MCCC1: variants seen among roughly 807,000 people sequenced by gnomAD.
MCCC1 encodes methylcrotonoyl-CoA carboxylase subunit alpha, mitochondrial.
MCCC1 carries 64 observed loss-of-function variants against 83.8 expected under a neutral mutation model. The ratio of observed to expected loss-of-function variants is 0.76; its 90% CI spans 0.62 to 0.94. The LOEUF is 0.94. Among genes scored for constraint, MCCC1 ranks in the 40% least tolerant of loss-of-function variants. The pLI, the probability that MCCC1 is intolerant of heterozygous loss-of-function variation, is 0.00. For missense variants in MCCC1, 807 were observed against 904.7 expected (o/e 0.89, Z 1.39); for synonymous variants, 322 against 315.4 (o/e 1.02, Z -0.22).
intron 8 of MCCC1, 39 bp downstream of exon 8, chr3:183,057,272 T>C: frequency 7.0e-7 from 1 of 1,423,318 alleles, no homozygotes. Context: ...AAGATTCACA[T>C]TACGGAGAAG....
Position 183,015,390 on chromosome 3 carries a change from T to C in MCCC1, c.*48A>G, listed in dbSNP as rs759327444. The C allele has an allele frequency of 3.7e-6, 6 of 1,610,846 alleles. No individual in the cohort carries two copies. The Admixed American group carries it at 5.0e-5, about 13-fold the overall frequency. On this transcript the variant is annotated 3_prime_UTR_variant, in exon 19 of 19. Transcript: ENST00000265594. ...AAAAGCTGGAGGCACTTCCTCTTTT[T>C]GGTGGAGAGAGAAGACACTACTTAA...
chr3:183,105,865 G>A (rs764780563), intron 1 of MCCC1, among the ~76,000 whole-genome samples: 14 of 152,196 alleles, frequency 9.2e-5, no homozygotes, highest in Non-Finnish European at 2.1e-4. Context: ...TGAGGCAGGT[G>A]GATCACGAGG....
intron 2 of MCCC1, among the ~76,000 whole-genome samples, chr3:183,094,160 T>C (rs1424554658): frequency 6.6e-6 from 1 of 151,610 alleles, no homozygotes; most frequent in African/African-American, 2.4e-5. Flanking sequence ...GCAATTCTCC[T>C]GCCTCAGCCT....
chr3:183,109,534 G>A (rs951777278), intron 1 of MCCC1, among the ~76,000 whole-genome samples: 5 of 152,158 alleles, frequency 3.3e-5, no homozygotes, highest in Non-Finnish European at 7.3e-5. Flanking sequence ...ATGTTAATTC[G>A]CTTAGGATAG....
chr3:183,031,156 T>C (rs553151707), intron 14 of MCCC1, among the ~76,000 whole-genome samples: 8 of 152,104 alleles, frequency 5.3e-5, no homozygotes, highest in African/African-American at 1.5e-4. Context: ...GGTGTGACTT[T>C]TGGAAAATTA....
Position 183,025,648 on chromosome 3 carries a change from T to C in MCCC1, c.1731+107A>G, listed in dbSNP as rs935855135. On this transcript the variant is annotated intron_variant, in intron 15 of 18. Transcript: ENST00000265594. The stretch of plus-strand genomic sequence containing the variant: ...GCATAAGATATTCTCTTAACTACAG[T>C]CATAATAGTCAAAGGCTTAAGGGAA... 4.3e-5 allele frequency: 44 copies of C among 1,014,654 alleles called. No individual in the cohort carries two copies. In the African/African-American group the frequency reaches 5.2e-4, roughly 12 times the overall value. 62.9% of individuals were successfully genotyped at this position (1,014,654 alleles called of 1,614,324 possible).
intron 18 of MCCC1, 120 bp from the exon 19 acceptor site, chr3:183,015,686 C>T (rs1230699389): frequency 1.7e-6 from 2 of 1,188,278 alleles, no homozygotes; most frequent in African/African-American, 3.0e-5. Flanking sequence ...GTTTTGTCAT[C>T]TCTCGGTGCT....
At chr3:183,072,549 G>A in intron 4 of MCCC1, 62 bp from the exon 5 acceptor site, 5 of 1,593,090 alleles carry the variant, frequency 3.1e-6, no homozygotes, top group Non-Finnish European at 4.3e-6. Context: ...ACACCTTAAT[G>A]CAGGTGAAGC....
At chr3:183,026,634 T>G (rs1250178794) in intron 14 of MCCC1, among the ~76,000 whole-genome samples, 1 of 152,052 alleles carries the variant, frequency 6.6e-6, no homozygotes, top group Non-Finnish European at 1.5e-5. Flanking sequence ...AGCTTGAACC[T>G]GCGAGGTGGA....
chr3:183,047,622 G>A (rs575472579), intron 9 of MCCC1, among the ~76,000 whole-genome samples: 2 of 151,532 alleles, frequency 1.3e-5, no homozygotes, highest in Admixed American at 1.3e-4. Context: ...AAGCAGAGAG[G>A]TGAAAATTCT....
intron 3 of MCCC1, 96 bp downstream of exon 3, chr3:183,092,313 A>G: frequency 6.7e-7 from 1 of 1,502,406 alleles, no homozygotes; most frequent in Non-Finnish European, 9.2e-7. Context: ...CAACCCTGAT[A>G]ACACTAGCAA....
chr3:183,089,118 C>T (rs571240722), intron 3 of MCCC1, among the ~76,000 whole-genome samples: 35 of 152,350 alleles, frequency 2.3e-4, no homozygotes, highest in African/African-American at 8.4e-4. Flanking sequence ...TTTCCATCAA[C>T]ATACCAGTTT....
Position 183,015,468 on chromosome 3 carries a change from C to T in MCCC1, c.2148G>A (p.Glu716=). The T allele has an allele frequency of 6.2e-7, 1 of 1,614,162 alleles. No homozygotes were observed. ...CCGATTCCCTTTTGTCTGATTCTTC[C>T]TCCTCAAACTCGACTAAAGGAGTGT... is the stretch of plus-strand genomic sequence containing the variant. ...NRHTPLVEFE[E]EESDKRESE The change falls in exon 19 of 19, where the codon GAG becomes GAA. Residue 716 remains glutamate (E), a synonymous_variant. Coordinates refer to ENST00000265594, the MANE Select transcript of MCCC1 (RefSeq NM_020166.5).
intron 11 of MCCC1, among the ~76,000 whole-genome samples, chr3:183,039,834 C>T (rs533681285): frequency 6.6e-5 from 10 of 152,152 alleles, no homozygotes; most frequent in African/African-American, 2.2e-4. Context: ...AGGTGGCTCA[C>T]GCCTGTACTC....
At position 183,034,054 on chromosome 3, in the gene MCCC1, T is replaced by C; in HGVS notation, c.1618A>G (p.Ser540Gly). The change falls in exon 14 of 19, where the codon AGC becomes GGC. Residue 540 changes from serine to glycine, a missense_variant. Coordinates refer to ENST00000265594, the MANE Select transcript of MCCC1 (RefSeq NM_020166.5). ...AHDQFSPFSS[S>G]SGRRLNISYT... is the part of the protein sequence containing the mutation. ...GAGATATTCAGTCTTCTTCCACTGC[T>C]AGACGAAAATGGAGAGAATTGATCT... is the stretch of plus-strand genomic sequence containing the variant. 1.9e-6 allele frequency: 3 copies of C among 1,611,274 alleles called. No individual in the cohort carries two copies. Among genetic ancestry groups the C allele is most frequent in the Non-Finnish European group, 2.5e-6 (3 of 1,178,514 alleles).
rs1256828103 is a variant in MCCC1, at chr3:183,025,935, T to G, written c.1682-131A>C. The G allele has an allele frequency of 6.7e-6, 5 of 742,432 alleles. No individual in the cohort carries two copies. The East Asian group carries it at 1.3e-4, about 20-fold the overall frequency. The allele number at this position is 742,432 out of a possible 1,614,324, so 46.0% of individuals were successfully genotyped here. Reference sequence around the variant, plus strand: ...CAAAGGAAAATCAACAACTTTGAACTTCTTGGAAATAAAGTATTTTGTTAG... The same window carrying G: ...CAAAGGAAAATCAACAACTTTGAACGTCTTGGAAATAAAGTATTTTGTTAG... On this transcript the variant is annotated intron_variant, in intron 14 of 18. Coordinates refer to ENST00000265594, the MANE Select transcript of MCCC1 (RefSeq NM_020166.5).
chr3:183,073,922 A>G (rs6806390), intron 4 of MCCC1, among the ~76,000 whole-genome samples: 136,383 of 152,220 alleles, frequency 0.9, 61,482 homozygotes, highest in East Asian at 1. Flanking sequence ...CATGACAGTC[A>G]ATTTGATAAC....
chr3:183,024,106 C>T (rs979290665), intron 15 of MCCC1, among the ~76,000 whole-genome samples: 6 of 152,174 alleles, frequency 3.9e-5, no homozygotes, highest in East Asian at 1.9e-4. Context: ...CACAATTACC[C>T]GGGCATGGTG....
chr3:183,025,447 A>C (rs1712514500), intron 15 of MCCC1, among the ~76,000 whole-genome samples: 2 of 152,200 alleles, frequency 1.3e-5, no homozygotes, highest in African/African-American at 4.8e-5. Context: ...AAAAATGTGA[A>C]AACTGCTGCT....
Sources: gnomAD v4.1 joint callset for allele counts (sites outside exome capture counted in the v4.1 genomes callset) on GRCh38, gnomAD v4.1.1 for gene constraint, MANE v1.5 for transcripts, NCBI Gene and HGNC (gene_info 2026-07-23, HGNC 2026-07-21) for gene names.